Variants in SH3BGRL2 observed in about 807,000 individuals in gnomAD.
The protein encoded by SH3BGRL2 is SH3 domain-binding glutamic acid-rich-like protein 2.
SH3BGRL2 carries 21 observed loss-of-function variants against 14.8 expected under a neutral mutation model. That is an observed-to-expected ratio of 1.42 (90% CI 1.01 to 2.05). The LOEUF (loss-of-function observed/expected upper bound fraction) is 2.05, where lower values mean the gene tolerates loss of function less well. SH3BGRL2 is among the 30% of genes most tolerant of loss of function. The pLI is 0.00. For synonymous variants in SH3BGRL2, 50 were observed against 47.8 expected, an observed-to-expected ratio of 1.05 and a Z score of -0.19; for missense variants, 147 against 130.8, an observed-to-expected ratio of 1.12 and a Z score of -0.61.
chr6:79,556,815 TAAG>T, the SH3BGRL2 span, among the ~76,000 whole-genome samples: 45 of 151,902 alleles, frequency 3.0e-4, no homozygotes, highest in Non-Finnish European at 4.9e-4. Context: ...AAATTTATAA[TAAG>T]GAGGGAAAAT....
intron 2 of SH3BGRL2, among the ~76,000 whole-genome samples, chr6:79,693,134 T>A (rs1019606313): frequency 1.6e-4 from 24 of 152,154 alleles, no homozygotes; most frequent in African/African-American, 5.6e-4. Context: ...GAATGGGAGT[T>A]CACTCATGAT....
chr6:79,698,156 G>A (rs971869024), intron 3 of SH3BGRL2, among the ~76,000 whole-genome samples: 4 of 152,118 alleles, frequency 2.6e-5, no homozygotes, highest in African/African-American at 9.7e-5. Context: ...ACCTAAATCA[G>A]TTATACCTGG....
the SH3BGRL2 span, among the ~76,000 whole-genome samples, chr6:79,584,207 A>T: frequency 6.6e-6 from 1 of 152,184 alleles, no homozygotes; most frequent in Non-Finnish European, 1.5e-5. Flanking sequence ...ATTAAGCACC[A>T]TATGACTTTT....
chr6:79,609,214 G>A, the SH3BGRL2 span, among the ~76,000 whole-genome samples: 1 of 152,140 alleles, frequency 6.6e-6, no homozygotes, highest in African/African-American at 2.4e-5. Context: ...AGGCTGGTGT[G>A]CTGATAGTCA....
intron 1 of SH3BGRL2, among the ~76,000 whole-genome samples, chr6:79,657,755 T>C (rs1769454369): frequency 3.3e-5 from 5 of 152,124 alleles, no homozygotes; most frequent in Admixed American, 3.3e-4. Context: ...TAGCTGGGAT[T>C]ACAGGCACCT....
intron 1 of SH3BGRL2, among the ~76,000 whole-genome samples, chr6:79,664,452 T>G (rs1203240688): frequency 6.6e-6 from 1 of 152,206 alleles, no homozygotes; most frequent in African/African-American, 2.4e-5. Context: ...AAGGCTTTGG[T>G]AGAATAAGTA....
At chr6:79,692,933 TA>T (rs1770254869) in intron 2 of SH3BGRL2, among the ~76,000 whole-genome samples, 1 of 152,214 alleles carries the variant, frequency 6.6e-6, no homozygotes, top group African/African-American at 2.4e-5. Context: ...ATTTAATCTA[TA>T]AATTACCTTG....
the SH3BGRL2 span, among the ~76,000 whole-genome samples, chr6:79,613,760 C>T: frequency 6.6e-6 from 1 of 152,088 alleles, no homozygotes; most frequent in African/African-American, 2.4e-5. Flanking sequence ...GTGCCCGCCA[C>T]CATGCCTGGC....
At chr6:79,575,259 G>A in the SH3BGRL2 span, 3 of 152,044 alleles carry the variant, frequency 2.0e-5, no homozygotes, top group Non-Finnish European at 4.4e-5. Flanking sequence ...CTGAAATTTT[G>A]TGTCCTTTGA....
chr6:79,548,537 A>G, the SH3BGRL2 span, among the ~76,000 whole-genome samples: 1 of 152,160 alleles, frequency 6.6e-6, no homozygotes, highest in Non-Finnish European at 1.5e-5. Flanking sequence ...GTGTTCGCCA[A>G]TTTGTTCAGA....
At chr6:79,662,051 G>T (rs1769561292) in intron 1 of SH3BGRL2, among the ~76,000 whole-genome samples, 1 of 152,096 alleles carries the variant, frequency 6.6e-6, no homozygotes, top group Non-Finnish European at 1.5e-5. Flanking sequence ...CTGCACATGA[G>T]ATGGGTCTCC....
chr6:79,691,845 A>C (rs1208055558), intron 2 of SH3BGRL2, among the ~76,000 whole-genome samples: 4 of 151,480 alleles, frequency 2.6e-5, no homozygotes, highest in Non-Finnish European at 5.9e-5. Flanking sequence ...TAGCAGCATG[A>C]TTTATAATCC....
chr6:79,649,983 TCTCACACA>T (rs1384025785), intron 1 of SH3BGRL2, among the ~76,000 whole-genome samples: 1 of 132,346 alleles, frequency 7.6e-6, no homozygotes, highest in South Asian at 2.5e-4. Context: ...TCTCTCTCTC[TCTCACACA>T]CACACACACA....
At chr6:79,686,839 T>C (rs147714021) in intron 2 of SH3BGRL2, among the ~76,000 whole-genome samples, 12 of 151,556 alleles carry the variant, frequency 7.9e-5, no homozygotes, top group African/African-American at 2.7e-4. Flanking sequence ...TGTAGGAGAG[T>C]GGGGGTAGCA....
chr6:79,696,460 A>G (rs758152722), intron 2 of SH3BGRL2, 25 bp from the exon 3 acceptor site: 6 of 1,512,496 alleles, frequency 4.0e-6, no homozygotes, highest in Non-Finnish European at 5.4e-6. Context: ...TTGTTGGTTT[A>G]TTTTCTGCTT....
At chr6:79,603,280 A>T in the SH3BGRL2 span, among the ~76,000 whole-genome samples, 1 of 152,192 alleles carries the variant, frequency 6.6e-6, no homozygotes, top group Admixed American at 6.5e-5. Context: ...AGATGCAAGA[A>T]CAATTTCCCT....
the SH3BGRL2 span, among the ~76,000 whole-genome samples, chr6:79,570,128 A>G: frequency 6.6e-6 from 1 of 152,202 alleles, no homozygotes; most frequent in Non-Finnish European, 1.5e-5. Context: ...CCCACACTAA[A>G]TATCTTTAAG....
intron 1 of SH3BGRL2, among the ~76,000 whole-genome samples, chr6:79,648,709 TTGAA>T (rs1278564863): frequency 6.6e-6 from 1 of 152,126 alleles, no homozygotes; most frequent in Non-Finnish European, 1.5e-5. Context: ...TAGTATTTTA[TTGAA>T]TGAATGCAAA....
chr6:79,550,434 G>A, the SH3BGRL2 span, among the ~76,000 whole-genome samples: 328 of 152,252 alleles, frequency 2.2e-3, 2 homozygotes, highest in African/African-American at 6.8e-3. Flanking sequence ...TGCTTAGGTA[G>A]ATATATCTGT....
Sources: allele counts gnomAD v4.1 joint callset (sites outside exome capture counted in the v4.1 genomes callset), GRCh38; gene constraint gnomAD v4.1.1; transcripts MANE v1.5; gene names NCBI Gene and HGNC (gene_info 2026-07-23, HGNC 2026-07-21).